Variants in LOC128462377 observed in about 807,000 individuals in gnomAD.
chr16:89,388,315 T>TTTTTTTTTTTTTA, the LOC128462377 span, among the ~76,000 whole-genome samples: 1 of 145,398 alleles, frequency 6.9e-6, no homozygotes, highest in Non-Finnish European at 1.5e-5. Context: ...TTTTTTTTTT[T>TTTTTTTTTTTTTA]GAGACGGAGT....
At chr16:89,415,934 C>T in the LOC128462377 span, among the ~76,000 whole-genome samples, 1 of 151,814 alleles carries the variant, frequency 6.6e-6, no homozygotes, top group Non-Finnish European at 1.5e-5. Flanking sequence ...ACACTGCGCC[C>T]AACCTCTGCT....
At chr16:89,402,102 G>A in the LOC128462377 span, among the ~76,000 whole-genome samples, 4 of 152,150 alleles carry the variant, frequency 2.6e-5, no homozygotes, top group African/African-American at 9.7e-5. Flanking sequence ...TCTGTCCATG[G>A]ACCTCTTTAA....
At chr16:89,405,719 G>A in the LOC128462377 span, among the ~76,000 whole-genome samples, 7 of 152,134 alleles carry the variant, frequency 4.6e-5, no homozygotes, top group East Asian at 1.9e-4. Flanking sequence ...GCACCAAAGC[G>A]TCCTCAAGGC....
At chr16:89,402,964 C>T in the LOC128462377 span, among the ~76,000 whole-genome samples, 1 of 152,164 alleles carries the variant, frequency 6.6e-6, no homozygotes, top group Non-Finnish European at 1.5e-5. Flanking sequence ...GACCTCTTTT[C>T]CGCCTGGGCT....
At chr16:89,323,776 GCT>G in the LOC128462377 span, 3 of 252,570 alleles carry the variant, frequency 1.2e-5, no homozygotes, top group African/African-American at 7.1e-5. Context: ...GGCCGCACCA[GCT>G]CTCTCTCCTT....
the LOC128462377 span, among the ~76,000 whole-genome samples, chr16:89,416,417 GCCTC>G: frequency 6.6e-6 from 1 of 151,962 alleles, no homozygotes; most frequent in African/African-American, 2.4e-5. Context: ...TCCTGCCTCA[GCCTC>G]CCAACTAGCT....
the LOC128462377 span, among the ~76,000 whole-genome samples, chr16:89,353,325 G>C: frequency 6.6e-6 from 1 of 151,532 alleles, no homozygotes; most frequent in Non-Finnish European, 1.5e-5. Flanking sequence ...CTGGGTGACA[G>C]AGTGAGACTC....
chr16:89,346,295 G>A, the LOC128462377 span, among the ~76,000 whole-genome samples: 3 of 148,708 alleles, frequency 2.0e-5, no homozygotes, highest in Non-Finnish European at 4.5e-5. Context: ...GAGAAAATGC[G>A]CCTCAGCCAC....
chr16:89,356,705 C>T, the LOC128462377 span, among the ~76,000 whole-genome samples: 4 of 145,098 alleles, frequency 2.8e-5, no homozygotes, highest in South Asian at 2.2e-4. Flanking sequence ...GGTATGAACC[C>T]GGGAGGCCGA....
chr16:89,405,135 G>A, the LOC128462377 span, among the ~76,000 whole-genome samples: 3 of 152,100 alleles, frequency 2.0e-5, no homozygotes, highest in Non-Finnish European at 4.4e-5. Flanking sequence ...GCGAGGTTGC[G>A]GTGAGTGGAG....
the LOC128462377 span, among the ~76,000 whole-genome samples, chr16:89,356,337 C>T: frequency 1.3e-4 from 20 of 150,452 alleles, no homozygotes; most frequent in Non-Finnish European, 5.9e-5. Flanking sequence ...GCAAGCCATC[C>T]GCTGAGGTGA....
chr16:89,361,704 T>C, the LOC128462377 span: 1 of 152,132 alleles, frequency 6.6e-6, no homozygotes, highest in Non-Finnish European at 1.5e-5. Context: ...CAGTAGAAGA[T>C]CACCACCCAG....
chr16:89,394,013 C>T, the LOC128462377 span, among the ~76,000 whole-genome samples: 21 of 152,320 alleles, frequency 1.4e-4, no homozygotes, highest in Admixed American at 1.3e-3. Context: ...TCCCAGACCC[C>T]AGTGTTTGCT....
the LOC128462377 span, among the ~76,000 whole-genome samples, chr16:89,339,058 C>T: frequency 6.6e-6 from 1 of 152,092 alleles, no homozygotes; most frequent in Admixed American, 6.5e-5. Flanking sequence ...GTCTCTAAAC[C>T]AGGAGGACAG....
the LOC128462377 span, among the ~76,000 whole-genome samples, chr16:89,327,123 G>A: frequency 6.6e-6 from 1 of 152,152 alleles, no homozygotes; most frequent in African/African-American, 2.4e-5. Context: ...GAAATGCAGA[G>A]GGCACCTACA....
the LOC128462377 span, among the ~76,000 whole-genome samples, chr16:89,356,735 C>T: frequency 7.8e-4 from 114 of 145,806 alleles, no homozygotes; most frequent in Middle Eastern, 0.015. Flanking sequence ...GAGCCAAGAT[C>T]GCACCACTGC....
At chr16:89,388,292 G>GTTTTTTTTT in the LOC128462377 span, among the ~76,000 whole-genome samples, 6 of 61,040 alleles carry the variant, frequency 9.8e-5, no homozygotes, top group Non-Finnish European at 1.6e-4. Context: ...CCATGAGGCT[G>GTTTTTTTTT]ATTTTTTTTT....
the LOC128462377 span, among the ~76,000 whole-genome samples, chr16:89,363,341 G>C: frequency 0.012 from 1,754 of 152,264 alleles, 29 homozygotes; most frequent in African/African-American, 0.04. Flanking sequence ...CAAGGAGTAA[G>C]ATTCAGTCTG....
At chr16:89,401,275 C>T in the LOC128462377 span, among the ~76,000 whole-genome samples, 214 of 152,204 alleles carry the variant, frequency 1.4e-3, no homozygotes, top group African/African-American at 4.8e-3. Flanking sequence ...GACCGGGTTT[C>T]GCCATGTTAG....
Sources: gnomAD v4.1 joint callset for allele counts (sites outside exome capture counted in the v4.1 genomes callset) on GRCh38, gnomAD v4.1.1 for gene constraint, MANE v1.5 for transcripts.